Variants in UGT8 observed in about 807,000 individuals in gnomAD.
UGT8 encodes the protein UDP glycosyltransferase 8.
In UGT8, 12 loss-of-function variants were observed where a neutral mutation model predicts 40.5. The ratio of observed to expected loss-of-function variants is 0.30; its 90% CI spans 0.19 to 0.48. UGT8 has a LOEUF of 0.48. UGT8 is among the 20% of genes least tolerant of loss of function. The probability of loss-of-function intolerance (pLI) is 0.99; values close to 1 mark genes in which losing one functional copy is unlikely to be tolerated. For synonymous variants in UGT8, 224 were observed against 240.4 expected (o/e 0.93, Z 0.63); for missense variants, 513 against 648.7 (o/e 0.79, Z 2.27).
intron 1 of UGT8, among the ~76,000 whole-genome samples, chr4:114,608,447 C>T (rs1578400556): frequency 6.6e-6 from 1 of 152,116 alleles, no homozygotes; most frequent in African/African-American, 2.4e-5. Flanking sequence ...GGTAAGTTTC[C>T]TAATTTTCTA....
chr4:114,642,001 A>T (rs531972886), intron 2 of UGT8, among the ~76,000 whole-genome samples: 1 of 152,298 alleles, frequency 6.6e-6, no homozygotes, highest in African/African-American at 2.4e-5. Context: ...CATTAAAGGG[A>T]TATAAATAAA....
At chr4:114,622,315 TG>T (rs1204562740) in intron 1 of UGT8, 1 of 151,432 alleles carries the variant, frequency 6.6e-6, no homozygotes, top group Non-Finnish European at 1.5e-5. Flanking sequence ...TAGTATTCCA[TG>T]GTGTATATGT....
chr4:114,633,449 G>A (rs1222735180), intron 2 of UGT8, among the ~76,000 whole-genome samples: 3 of 152,158 alleles, frequency 2.0e-5, no homozygotes, highest in African/African-American at 7.2e-5. Context: ...CCCAAAGTGG[G>A]AAGGACTTTA....
chr4:114,665,600 A>G, intron 3 of UGT8, 80 bp from the exon 4 acceptor site: 2 of 1,306,118 alleles, frequency 1.5e-6, no homozygotes, highest in South Asian at 3.6e-5. Context: ...TTTATTTTAA[A>G]TCTCATAATT....
At chr4:114,657,269 G>GT (rs1329348266) in intron 2 of UGT8, among the ~76,000 whole-genome samples, 1 of 151,828 alleles carries the variant, frequency 6.6e-6, no homozygotes, top group Non-Finnish European at 1.5e-5. Context: ...TCAAATCAGG[G>GT]TTTCAAATTT....
intron 1 of UGT8, among the ~76,000 whole-genome samples, chr4:114,604,366 C>G (rs1388763873): frequency 1.3e-5 from 2 of 151,732 alleles, no homozygotes; most frequent in African/African-American, 2.4e-5. Flanking sequence ...AAAGGCACCT[C>G]TATACCTCAT....
intron 2 of UGT8, among the ~76,000 whole-genome samples, chr4:114,656,288 G>A (rs1734182073): frequency 6.7e-6 from 1 of 149,088 alleles, no homozygotes; most frequent in Non-Finnish European, 1.5e-5. Flanking sequence ...TTTTGTTTTT[G>A]TTTTTTTTTC....
rs118070498 is a variant in UGT8 at position 114,655,828 on chromosome 4, A to G, written c.823-8167A>G. 2.2e-3 allele frequency among the ~76,000 whole-genome samples: 336 copies of G among 152,238 alleles called. 9 individuals are homozygous for G. The East Asian group carries it at 0.051, about 23-fold the overall frequency. On this transcript the variant is annotated intron_variant, in intron 2 of 5. Coordinates refer to ENST00000310836, the MANE Select transcript of UGT8 (RefSeq NM_001128174.3). ...AGAGCCACTAATAATGTCCTTAATA[A>G]GGAAAGGATCCAGTTCAGAATTATC...
intron 5 of UGT8, among the ~76,000 whole-genome samples, chr4:114,673,093 C>A (rs1380932355): frequency 6.6e-6 from 1 of 152,156 alleles, no homozygotes; most frequent in Non-Finnish European, 1.5e-5. Flanking sequence ...GAGCCCCTTA[C>A]AAGGTAATTG....
At chr4:114,674,770 A>T (rs1041385242) in intron 5 of UGT8, among the ~76,000 whole-genome samples, 3 of 152,198 alleles carry the variant, frequency 2.0e-5, no homozygotes, top group African/African-American at 7.2e-5. Flanking sequence ...TTCCTCTATA[A>T]TGCACAACTC....
At chr4:114,650,738 G>T (rs957751479) in intron 2 of UGT8, among the ~76,000 whole-genome samples, 2 of 151,974 alleles carry the variant, frequency 1.3e-5, no homozygotes, top group Non-Finnish European at 2.9e-5. Context: ...GAATCCAGAA[G>T]AACTCATAAA....
At chr4:114,643,346 A>G (rs535715881) in intron 2 of UGT8, among the ~76,000 whole-genome samples, 1 of 152,190 alleles carries the variant, frequency 6.6e-6, no homozygotes. Context: ...TGGGACTAAT[A>G]ATTAGGCAGG....
At chr4:114,652,859 A>C (rs1482398404) in intron 2 of UGT8, among the ~76,000 whole-genome samples, 1 of 152,020 alleles carries the variant, frequency 6.6e-6, no homozygotes, top group Non-Finnish European at 1.5e-5. Context: ...TCTTATTCTG[A>C]TCTCATTGTT....
chr4:114,604,447 G>C (rs1250102197), intron 1 of UGT8, among the ~76,000 whole-genome samples: 3 of 142,930 alleles, frequency 2.1e-5, no homozygotes, highest in African/African-American at 8.2e-5. Context: ...GATTTGTAGA[G>C]GTTTGTTTGC....
rs921933355 is a variant in UGT8 at position 114,663,910 on chromosome 4, G to GT, written c.823-76dup. 3.7e-4 allele frequency: 551 copies of GT among 1,473,614 alleles called. 2 individuals are homozygous for GT. The highest frequency in any genetic ancestry group is 2.0e-3 in the East Asian group (84 of 41,666). 91.3% of individuals were successfully genotyped at this position (1,473,614 alleles called of 1,614,324 possible). Reference sequence around the variant, plus strand: ...ATTGTTTAAGAAAATTACTTAAAAGGTTTTTTTTTAACTGGGCTGTTAATA... The same window carrying GT: ...ATTGTTTAAGAAAATTACTTAAAAGGTTTTTTTTTTAACTGGGCTGTTAATA... On this transcript the variant is annotated intron_variant, in intron 2 of 5. Coordinates refer to ENST00000310836, the MANE Select transcript of UGT8 (RefSeq NM_001128174.3).
At chr4:114,615,866 C>T (rs1343384628) in intron 1 of UGT8, among the ~76,000 whole-genome samples, 1 of 148,416 alleles carries the variant, frequency 6.7e-6, no homozygotes, top group Non-Finnish European at 1.5e-5. Flanking sequence ...CTGAAGTACT[C>T]CAGACCCTTT....
chr4:114,608,310 G>T (rs1730852955), intron 1 of UGT8, among the ~76,000 whole-genome samples: 1 of 152,228 alleles, frequency 6.6e-6, no homozygotes, highest in South Asian at 2.1e-4. Context: ...TCCCTCTAAG[G>T]AGAGTATGAA....
chr4:114,603,457 G>A (rs1295981055), intron 1 of UGT8, among the ~76,000 whole-genome samples: 4 of 152,142 alleles, frequency 2.6e-5, no homozygotes, highest in African/African-American at 4.8e-5. Context: ...GAGGCCTGGG[G>A]AGATCCTAAA....
At chr4:114,661,286 C>CGT (rs1249387576) in intron 2 of UGT8, among the ~76,000 whole-genome samples, 2 of 151,412 alleles carry the variant, frequency 1.3e-5, no homozygotes, top group Admixed American at 6.6e-5. Flanking sequence ...TGTGTGTGTG[C>CGT]GTGTGTGTGT....
Sources: gnomAD v4.1 joint callset for allele counts (sites outside exome capture counted in the v4.1 genomes callset) on GRCh38, gnomAD v4.1.1 for gene constraint, MANE v1.5 for transcripts, NCBI Gene and HGNC (gene_info 2026-07-23, HGNC 2026-07-21) for gene names.